The following SYNPO variants were observed in gnomAD, a reference collection of about 807,000 sequenced individuals.
SYNPO encodes the protein synaptopodin.
A neutral mutation model predicts 49.5 loss-of-function variants in SYNPO; 19 were observed. The observed-to-expected ratio is 0.38, with a 90% CI of 0.27 to 0.56. SYNPO has a LOEUF of 0.56. SYNPO is among the 20% of genes least tolerant of loss of function. The probability of loss-of-function intolerance (pLI) is 0.68; values close to 1 mark genes in which losing one functional copy is unlikely to be tolerated. For missense variants in SYNPO, 1,131 were observed against 1,248.3 expected, an observed-to-expected ratio of 0.91 and a Z score of 1.42; for synonymous variants, 536 against 548.0, an observed-to-expected ratio of 0.98 and a Z score of 0.31.
At position 150,649,393 on chromosome 5, in the gene SYNPO, G is replaced by A. The variant is rs377552085; in HGVS notation, c.1118G>A (p.Arg373His). Residue 373 changes from arginine to histidine, a missense_variant, in exon 2 of 3, where the codon CGC (arginine) becomes CAC (histidine). By Grantham distance (29) the Arg-to-His change is conservative (BLOSUM62 0). Coordinates refer to ENST00000307662, the MANE Select transcript of SYNPO (RefSeq NM_007286.6). The part of the protein sequence containing the change: ...KTGILEESMA[R>H]RGSRKSMFTF... ...GGCATTCTGGAGGAGTCGATGGCCC[G>A]CCGGGGCAGCCGCAAATCCATGTTT... 2.2e-5 allele frequency: 36 copies of A among 1,613,822 alleles called. No individual in the cohort carries two copies. The highest frequency in any genetic ancestry group is 2.8e-5 in the Non-Finnish European group (33 of 1,180,004).
chr5:150,589,709 C>T, the SYNPO span, among the ~76,000 whole-genome samples: 9 of 152,364 alleles, frequency 5.9e-5, no homozygotes, highest in African/African-American at 1.9e-4. Flanking sequence ...GCTGCTAATG[C>T]ATTTGGCAGG....
chr5:150,644,452 C>A (rs1399630678), intron 1 of SYNPO, among the ~76,000 whole-genome samples: 1 of 152,238 alleles, frequency 6.6e-6, no homozygotes, highest in Non-Finnish European at 1.5e-5. Context: ...TTCAGTCAAT[C>A]CCCTGTGCTA....
rs1365089970 is a variant in SYNPO, at chr5:150,658,540, T to A, written c.*1453T>A. The A allele has an allele frequency of 6.6e-6, 1 of 152,292 alleles. No individual in the cohort carries two copies. Among genetic ancestry groups the A allele is most frequent in the Admixed American group, 6.5e-5 (1 of 15,270 alleles). The allele number at this position is 152,292 out of a possible 1,614,324, so 9.4% of individuals were successfully genotyped here. ...GGACTCAGGGAGGAATATGGCTGAGTTCTGTAGTTTCCAGAGTTGGCTGGT... is the reference window on the plus strand; with the variant it reads ...GGACTCAGGGAGGAATATGGCTGAGATCTGTAGTTTCCAGAGTTGGCTGGT... On this transcript the variant is annotated 3_prime_UTR_variant, in exon 3 of 3. Coordinates refer to ENST00000307662, the MANE Select transcript of SYNPO (RefSeq NM_007286.6).
At chr5:150,620,941 C>CTTTCT (rs1554108208) in intron 2 of SYNPO, among the ~76,000 whole-genome samples, 19 of 103,108 alleles carry the variant, frequency 1.8e-4, no homozygotes, top group African/African-American at 2.7e-4. Context: ...TTCTTTCTTT[C>CTTTCT]TTTCTTTTCT....
chr5:150,622,828 G>T (rs1213463424), intron 2 of SYNPO, among the ~76,000 whole-genome samples: 2 of 152,200 alleles, frequency 1.3e-5, no homozygotes, highest in Admixed American at 6.5e-5. Context: ...GTGATGGTGA[G>T]GAGCACTGCT....
intron 1 of SYNPO, among the ~76,000 whole-genome samples, chr5:150,601,407 G>A (rs902328926): frequency 5.3e-5 from 8 of 152,140 alleles, no homozygotes; most frequent in African/African-American, 1.4e-4. Context: ...GGGCAGAGAC[G>A]CCGCCAAGCC....
chr5:150,627,962 G>T (rs1430353999), intron 2 of SYNPO, among the ~76,000 whole-genome samples: 1 of 151,964 alleles, frequency 6.6e-6, no homozygotes, highest in African/African-American at 2.4e-5. Flanking sequence ...CAGAGGGGCG[G>T]CTGGGCCTGC....
chr5:150,639,170 T>C (rs1013390733), upstream of SYNPO, among the ~76,000 whole-genome samples: 5 of 152,268 alleles, frequency 3.3e-5, no homozygotes, highest in Non-Finnish European at 5.9e-5. Flanking sequence ...GGAGCAGGGC[T>C]TGTGGTCTGC....
intron 1 of SYNPO, among the ~76,000 whole-genome samples, chr5:150,611,309 C>T (rs1001047793): frequency 1.1e-4 from 16 of 152,180 alleles, no homozygotes; most frequent in Admixed American, 5.2e-4. Context: ...ACTTAGCAGG[C>T]GTTCTGTGAA....
In SYNPO at chr5:150,648,290, A is replaced by G. The variant is rs373884404; in HGVS notation, c.15A>G (p.Ser5=). The G allele has an allele frequency of 5.6e-5, 90 of 1,614,080 alleles. No individual in the cohort carries two copies. Among genetic ancestry groups the G allele is most frequent in the Middle Eastern group, 1.6e-4 (1 of 6,084 alleles). Residue 5 remains serine, a synonymous_variant, in exon 2 of 3, where the codon TCA becomes TCG. Coordinates refer to ENST00000307662, the MANE Select transcript of SYNPO (RefSeq NM_007286.6). This position sits in a 1 kb window ranked among gnomAD's most constrained non-coding sequence, Gnocchi z 5.0. MEGY[S]EEASLLRHLE... is the part of the protein sequence containing the mutation. ...CTGGCCACAGCATGGAGGGGTACTC[A>G]GAGGAGGCTAGCTTGCTGCGGCACC...
In SYNPO at chr5:150,656,591, C is replaced by A; in HGVS notation, c.2216C>A (p.Pro739Gln). The stretch of plus-strand genomic sequence containing the variant: ...TCGTGGAGCGAGCGCTCGGTGTCCC[C>A]GCTGCGACCTGAGACCGAGGCGCGG... Reference protein sequence around the residue: ...SPSWSERSVSPLRPETEARPP... With the variant: ...SPSWSERSVSQLRPETEARPP... The change falls in exon 3 of 3, where the codon CCG becomes CAG. Residue 739 changes from proline to glutamine, a missense_variant. Pro to Gln is a moderately conservative substitution (Grantham distance 76, BLOSUM62 -1). Coordinates refer to ENST00000307662, the MANE Select transcript of SYNPO (RefSeq NM_007286.6). 1 of 1,520,500 alleles carries A rather than the reference C, an allele frequency of 6.6e-7. No homozygotes were observed. 94.2% of individuals were successfully genotyped at this position (1,520,500 alleles called of 1,614,324 possible).
chr5:150,606,149 C>T (rs924754788), intron 1 of SYNPO, among the ~76,000 whole-genome samples: 11 of 152,296 alleles, frequency 7.2e-5, no homozygotes, highest in African/African-American at 2.4e-4. Flanking sequence ...TACAAACATA[C>T]ACAATGAATA....
chr5:150,618,788 C>T, intron 2 of SYNPO: 1 of 1,550,820 alleles, frequency 6.4e-7, no homozygotes. Context: ...GTTCCTTTTC[C>T]CTTGGACTAC....
Position 150,656,448 on chromosome 5 carries a change from C to A in SYNPO, c.2073C>A (p.Gly691=), listed in dbSNP as rs752698019. Residue 691 remains glycine (G), a synonymous_variant, in exon 3 of 3, where the codon GGC becomes GGA. Coordinates refer to ENST00000307662, the MANE Select transcript of SYNPO (RefSeq NM_007286.6). ...CCACCTCCCCACCCTGGACGCCGGG[C>A]GCGTCCCGGCCCCCCAGCAGCCTAG... ...SLPTSPPWTP[G]ASRPPSSLDG... is the part of the protein sequence containing the mutation. The A allele has an allele frequency of 3.3e-6, 5 of 1,531,904 alleles. No homozygotes were observed. In the South Asian group the frequency reaches 4.8e-5, roughly 15 times the overall value. 94.9% of individuals were successfully genotyped at this position (1,531,904 alleles called of 1,614,324 possible). A position where few individuals can be genotyped will look rare whatever the true frequency, so the allele number is the denominator to read the frequency against.
At chr5:150,615,320 G>A (rs1030788427) in intron 1 of SYNPO, 5 of 152,196 alleles carry the variant, frequency 3.3e-5, no homozygotes, top group African/African-American at 9.6e-5. Context: ...TAACTTTTCC[G>A]CCTCTCTCTT....
At chr5:150,607,484 T>C (rs1335340651) in intron 1 of SYNPO, among the ~76,000 whole-genome samples, 2 of 152,322 alleles carry the variant, frequency 1.3e-5, no homozygotes, top group East Asian at 3.9e-4. Flanking sequence ...AGGAATCACT[T>C]AGCCCAATGC....
At chr5:150,636,076 T>C (rs1757706417), upstream of SYNPO, among the ~76,000 whole-genome samples, 1 of 152,216 alleles carries the variant, frequency 6.6e-6, no homozygotes, top group South Asian at 2.1e-4. Flanking sequence ...TATTATCTTG[T>C]TCCCTTACCC....
intron 1 of SYNPO, among the ~76,000 whole-genome samples, chr5:150,604,104 C>T (rs1216444700): frequency 6.6e-6 from 1 of 152,184 alleles, no homozygotes; most frequent in East Asian, 1.9e-4. Flanking sequence ...ATGCCACATT[C>T]TAACTGACCT....
chr5:150,643,004 A>C (rs1757963164), intron 1 of SYNPO, among the ~76,000 whole-genome samples: 1 of 152,220 alleles, frequency 6.6e-6, no homozygotes, highest in South Asian at 2.1e-4. Context: ...TGGGCCTCCC[A>C]GGCCAGCTTA....
Sources: allele counts gnomAD v4.1 joint callset (sites outside exome capture counted in the v4.1 genomes callset), GRCh38; gene constraint gnomAD v4.1.1; non-coding constraint Gnocchi (gnomAD v3.1); transcripts MANE v1.5; gene names NCBI Gene and HGNC (gene_info 2026-07-23, HGNC 2026-07-21).